The following ZNF28 variants were observed in gnomAD, a reference collection of about 807,000 sequenced individuals.
ZNF28 encodes zinc finger protein KOX24.
A neutral mutation model predicts 7.2 loss-of-function variants in ZNF28; 5 were observed. The ratio of observed to expected loss-of-function variants is 0.70; its 90% CI spans 0.36 to 1.46. ZNF28 has a LOEUF of 1.46. ZNF28 is among the 40% of genes most tolerant of loss of function. ZNF28 has a pLI of 0.03. For synonymous variants in ZNF28, 288 were observed against 292.4 expected (o/e 0.99, Z 0.15); for missense variants, 879 against 866.6 (o/e 1.01, Z -0.18).
rs758255836 is a variant in ZNF28 at position 52,800,904 on chromosome 19, A to T, written c.941T>A (p.Leu314His). 1.2e-6 allele frequency: 2 copies of T among 1,614,052 alleles called. No homozygotes were observed. Among genetic ancestry groups the T allele is most frequent in the South Asian group, 2.2e-5 (2 of 91,078 alleles). ...AGTATAAATTATCTTATGTGTTTCAAGGTGTGATTTGCGACTGAAAACTTT... is the reference window on the plus strand; with the variant it reads ...AGTATAAATTATCTTATGTGTTTCATGGTGTGATTTGCGACTGAAAACTTT... ...CDKVFSRKSH[L>H]ETHKIIYTGG... The change falls in exon 4 of 4, where the codon CTT (leucine) becomes CAT (histidine). Residue 314 changes from leucine (L) to histidine (H), a missense_variant. By Grantham distance (99) the Leu-to-His change is moderately conservative (BLOSUM62 -3). Coordinates refer to ENST00000457749, the MANE Select transcript of ZNF28 (RefSeq NM_006969.5).
chr19:52,818,440 C>T (rs921039223), intron 1 of ZNF28, among the ~76,000 whole-genome samples: 1 of 152,004 alleles, frequency 6.6e-6, no homozygotes, highest in East Asian at 1.9e-4. Flanking sequence ...GGGCTGGGCT[C>T]AGTGGCTCAT....
Position 52,816,492 on chromosome 19 carries a change from G to A in ZNF28, c.15+1452C>T, listed in dbSNP as rs569714756. On this transcript the variant is annotated intron_variant, in intron 2 of 3. Transcript: ENST00000457749. ...ATCCTGGCTAACACGGTGAAACCCC[G>A]TCTCTACTAAAAACACAAAAAATTA... Among the ~76,000 whole-genome samples, 8 of 145,164 alleles carry A rather than the reference G, an allele frequency of 5.5e-5. No homozygotes were observed. The East Asian group carries it at 1.4e-3, about 26-fold the overall frequency.
At chr19:52,819,274 G>C (rs2063165550) in intron 1 of ZNF28, among the ~76,000 whole-genome samples, 1 of 140,780 alleles carries the variant, frequency 7.1e-6, no homozygotes, top group South Asian at 2.4e-4. Context: ...AGCAGGTGGA[G>C]GGTTCCCTGC....
At chr19:52,807,908 A>G in intron 3 of ZNF28, 99 bp downstream of exon 3, 1 of 1,562,312 alleles carries the variant, frequency 6.4e-7, no homozygotes, top group Non-Finnish European at 8.7e-7. Context: ...CAAAATCAAT[A>G]CGGCTTCCAT....
At chr19:52,801,994 T>C (rs1211823378) in intron 3 of ZNF28, among the ~76,000 whole-genome samples, 6 of 152,102 alleles carry the variant, frequency 3.9e-5, no homozygotes, top group African/African-American at 1.4e-4. Context: ...CTAAAGTGTA[T>C]CACACTTTGC....
intron 2 of ZNF28, among the ~76,000 whole-genome samples, chr19:52,811,046 C>T (rs1022214984): frequency 1.1e-4 from 17 of 149,602 alleles, no homozygotes; most frequent in Admixed American, 2.6e-4. Flanking sequence ...CGCGCCGCCA[C>T]GCCTGACTGG....
chr19:52,805,761 TC>T (rs1240583026), intron 3 of ZNF28: 3 of 152,022 alleles, frequency 2.0e-5, no homozygotes, highest in African/African-American at 7.2e-5. Context: ...GCTGGGCAGA[TC>T]ACCTGAGGTC....
At position 52,799,519 on chromosome 19, in the gene ZNF28, T is replaced by C; in HGVS notation, c.*169A>G. On this transcript the variant is annotated 3_prime_UTR_variant, in exon 4 of 4. Coordinates refer to ENST00000457749, the MANE Select transcript of ZNF28 (RefSeq NM_006969.5). The stretch of plus-strand genomic sequence containing the variant: ...AAAACCTTGCCACATTCATTACACT[T>C]GTAAAGTTTCTCTCCAGTATGAATG... The C allele has an allele frequency of 7.9e-7, 1 of 1,269,758 alleles. No individual in the cohort carries two copies. The highest frequency in any genetic ancestry group is 1.1e-6 in the Non-Finnish European group (1 of 885,088). 78.7% of individuals were successfully genotyped at this position (1,269,758 alleles called of 1,614,324 possible).
rs1311480824 is a variant in ZNF28, at chr19:52,820,218, C to T, written c.-74+1368G>A. Among the ~76,000 whole-genome samples the T allele has an allele frequency of 2.9e-5, 4 of 137,852 alleles. 1 individual carries two copies. Among genetic ancestry groups the T allele is most frequent in the Admixed American group, 1.5e-4 (2 of 13,732 alleles). The allele number at this position is 137,852 out of a possible 152,430, so 90.4% of individuals were successfully genotyped here. A position where few individuals can be genotyped will look rare whatever the true frequency, so the allele number is the denominator to read the frequency against. On this transcript the variant is annotated intron_variant, in intron 1 of 3. Coordinates refer to ENST00000457749, the MANE Select transcript of ZNF28 (RefSeq NM_006969.5). Reference sequence around the variant, plus strand: ...CTGCAAGCTCTGCTTCCCGGGTTCACGCCATTCTCCTGCCTCAGCCTCCCG... The same window carrying T: ...CTGCAAGCTCTGCTTCCCGGGTTCATGCCATTCTCCTGCCTCAGCCTCCCG...
intron 3 of ZNF28, among the ~76,000 whole-genome samples, chr19:52,807,592 A>G (rs1482744047): frequency 1.3e-5 from 2 of 152,182 alleles, no homozygotes; most frequent in Non-Finnish European, 2.9e-5. Context: ...CTCTTTCCTC[A>G]GCCTCTCTAG....
chr19:52,809,533 C>A lies in ZNF28; in HGVS notation c.16-1400G>T, dbSNP rs183098950. On this transcript the variant is annotated intron_variant, in intron 2 of 3. Coordinates refer to ENST00000457749, the MANE Select transcript of ZNF28 (RefSeq NM_006969.5). ...GAAAACATAACTATTATGGGCCTGG[C>A]GCGGTGGCTCACGCCTGTAATCCCA... is the stretch of plus-strand genomic sequence containing the variant. Among the ~76,000 whole-genome samples, 318 of 152,228 alleles carry A rather than the reference C, an allele frequency of 2.1e-3. 2 individuals are homozygous for A. The highest frequency in any genetic ancestry group is 7.4e-3 in the African/African-American group (306 of 41,536).
Position 52,808,040 on chromosome 19 carries a change from T to A in ZNF28, c.109A>T (p.Met37Leu), listed in dbSNP as rs766296954. The part of the protein sequence containing the change: ...PAQRTLYRDV[M>L]LENYRNLVSL... ...ACCAGGTTCCTATAATTCTCCAGCA[T>A]CACATCCCTGTAAAGAGTCCTCTGA... Residue 37 changes from methionine (M) to leucine (L), a missense_variant, in exon 3 of 4, where the codon ATG becomes TTG. This residue lies in a region of ZNF28 where 864 missense variants were observed against 830.2 expected (regional missense o/e 1.04). Transcript: ENST00000457749. The A allele has an allele frequency of 6.2e-7, 1 of 1,613,466 alleles. No individual in the cohort carries two copies. Among genetic ancestry groups the A allele is most frequent in the African/African-American group, 1.3e-5 (1 of 74,908 alleles).
rs563424183 is a variant in ZNF28, at chr19:52,797,680, C to T, written c.*2008G>A. 1 of 154,756 alleles carries T rather than the reference C, an allele frequency of 6.5e-6. No homozygotes were observed. Among genetic ancestry groups the T allele is most frequent in the East Asian group, 1.9e-4 (1 of 5,190 alleles). The allele number at this position is 154,756 out of a possible 1,614,324, so 9.6% of individuals were successfully genotyped here. A position where few individuals can be genotyped will look rare whatever the true frequency, so the allele number is the denominator to read the frequency against. On this transcript the variant is annotated 3_prime_UTR_variant, in exon 4 of 4. Coordinates refer to ENST00000457749, the MANE Select transcript of ZNF28 (RefSeq NM_006969.5). ...TGAGAAGTTTGTACCTTGAAATCTA[C>T]AAACATTGATCAAAATGATTAAAAA...
Position 52,800,999 on chromosome 19 carries a change from G to A in ZNF28, c.846C>T (p.His282=). ...KCNECGKIFG[H]NTSLFLHKAL... ...CCTTGTGAAGGAAGAGGGATGTATT[G>A]TGACCAAAGATCTTGCCACACTCAT... The change falls in exon 4 of 4, where the codon CAC becomes CAT. Residue 282 remains histidine, a synonymous_variant. Transcript: ENST00000457749. 1.2e-6 allele frequency: 2 copies of A among 1,613,910 alleles called. No homozygotes were observed. Among genetic ancestry groups the A allele is most frequent in the Non-Finnish European group, 1.7e-6 (2 of 1,179,972 alleles).
Position 52,801,718 on chromosome 19 carries a change from A to G in ZNF28, c.143-16T>C, listed in dbSNP as rs759934876. 1.9e-6 allele frequency: 3 copies of G among 1,602,172 alleles called. No homozygotes were observed. The highest frequency in any genetic ancestry group is 2.2e-5 in the East Asian group (1 of 44,850). ...GAAGAGATATCTACAAAATATAAAC[A>G]CCAATAGGTTTCCAATGAAGTACAG... On this transcript the variant is annotated splice_polypyrimidine_tract_variant and intron_variant, in intron 3 of 3. Coordinates refer to ENST00000457749, the MANE Select transcript of ZNF28 (RefSeq NM_006969.5).
In ZNF28 at chr19:52,801,644, T is replaced by G; in HGVS notation, c.201A>C (p.Glu67Asp). The G allele has an allele frequency of 6.2e-7, 1 of 1,613,728 alleles. No homozygotes were observed. The change falls in exon 4 of 4, where the codon GAA (glutamate) becomes GAC (aspartate). Residue 67 changes from glutamate to aspartate, a missense_variant. Physicochemically the swap from Glu to Asp is conservative, Grantham distance 45. This residue lies in a region of ZNF28 where 864 missense variants were observed against 830.2 expected (regional missense o/e 1.04). Coordinates refer to ENST00000457749, the MANE Select transcript of ZNF28 (RefSeq NM_006969.5). Reference protein sequence around the residue: ...TFFSTGQGNTEAFHTGTLQRQ... With the variant: ...TFFSTGQGNTDAFHTGTLQRQ... ...TTTGCAATGTCCCTGTGTGGAACGC[T>G]TCTGTATTGCCTTGCCCTGTTGAGA... is the stretch of plus-strand genomic sequence containing the variant.
chr19:52,799,353 T>C lies in ZNF28; in HGVS notation c.*335A>G, dbSNP rs2062832501. 2 of 545,298 alleles carry C rather than the reference T, an allele frequency of 3.7e-6. No homozygotes were observed. Among genetic ancestry groups the C allele is most frequent in the East Asian group, 6.5e-5 (2 of 30,620 alleles). The allele number at this position is 545,298 out of a possible 1,614,324, so 33.8% of individuals were successfully genotyped here. ...AATCTTGTCATAAACCTTACATCTG[T>C]GTGGTTTCTCTTCAGCATGCATTTT... On this transcript the variant is annotated 3_prime_UTR_variant, in exon 4 of 4. Transcript: ENST00000457749.
At position 52,801,453 on chromosome 19, in the gene ZNF28, G is replaced by A. The variant is rs565762298; in HGVS notation, c.392C>T (p.Ala131Val). The A allele has an allele frequency of 2.4e-5, 38 of 1,614,166 alleles. 1 individual carries two copies. In the East Asian group the frequency reaches 8.5e-4, roughly 36 times the overall value. Residue 131 changes from alanine to valine, a missense_variant, in exon 4 of 4, where the codon GCT (alanine) becomes GTT (valine). Physicochemically the swap from Ala to Val is moderately conservative, Grantham distance 64. Around this residue, in one of 2 missense-constraint regions of ZNF28, gnomAD observed 864 missense variants for 830.2 expected, o/e 1.04. Transcript: ENST00000457749. ...CTGATCTTTAATATGCTTGTTTCCAGCATGCCTTTGATCATGTTGGCCTGT... is the reference window on the plus strand; with the variant it reads ...CTGATCTTTAATATGCTTGTTTCCAACATGCCTTTGATCATGTTGGCCTGT... ...GSTGQHDQRHAGNKHIKDQLG... is the reference protein window; with the variant it reads ...GSTGQHDQRHVGNKHIKDQLG...
Position 52,818,030 on chromosome 19 carries a change from T to C in ZNF28, c.-72A>G. 1 of 1,601,584 alleles carries C rather than the reference T, an allele frequency of 6.2e-7. No homozygotes were observed. Among genetic ancestry groups the C allele is most frequent in the Non-Finnish European group, 8.5e-7 (1 of 1,173,538 alleles). On this transcript the variant is annotated splice_region_variant and 5_prime_UTR_variant, in exon 2 of 4. Transcript: ENST00000457749. ...CGTACCAAGATTCTTTAGAAGTCAA[T>C]CCTGAATGTTAAAAATATGTTGTTT...
Sources: gnomAD v4.1 joint callset for allele counts (sites outside exome capture counted in the v4.1 genomes callset) on GRCh38, gnomAD v4.1.1 for gene constraint, gnomAD v4.1.1 regional missense constraint, MANE v1.5 for transcripts, NCBI Gene and HGNC (gene_info 2026-07-23, HGNC 2026-07-21) for gene names.